The following KCNQ1 variants were observed in gnomAD, a reference collection of about 807,000 sequenced individuals.
KCNQ1 encodes potassium voltage-gated channel subfamily Q member 1.
A neutral mutation model predicts 72.4 loss-of-function variants in KCNQ1; 49 were observed. The observed-to-expected ratio is 0.68, with a 90% CI of 0.54 to 0.86. The LOEUF is 0.86. Among genes scored for constraint, KCNQ1 ranks in the 40% least tolerant of loss-of-function variants. KCNQ1 has a pLI of 0.00. For synonymous variants in KCNQ1, 450 were observed against 412.6 expected, an observed-to-expected ratio of 1.09 and a Z score of -1.10; for missense variants, 790 against 945.1, an observed-to-expected ratio of 0.84 and a Z score of 2.15.
intron 15 of KCNQ1, among the ~76,000 whole-genome samples, chr11:2,831,717 C>G (rs1847955291): frequency 6.7e-6 from 1 of 149,166 alleles, no homozygotes; most frequent in Non-Finnish European, 1.5e-5. Context: ...CTGCCCTCCC[C>G]TCCCCTCCCC....
At chr11:2,829,387 A>C (rs749746051) in intron 15 of KCNQ1, among the ~76,000 whole-genome samples, 3 of 152,240 alleles carry the variant, frequency 2.0e-5, no homozygotes, top group African/African-American at 4.8e-5. Context: ...TCTTACAGAA[A>C]GTTCAAGAAT....
intron 10 of KCNQ1, chr11:2,636,862 A>C (rs898514472): frequency 1.3e-5 from 2 of 152,032 alleles, no homozygotes; most frequent in African/African-American, 4.8e-5. Flanking sequence ...TAAATTTCAG[A>C]GCCTGTTATT....
chr11:2,788,888 GTC>G (rs1491482620), intron 15 of KCNQ1, among the ~76,000 whole-genome samples: 1 of 152,152 alleles, frequency 6.6e-6, no homozygotes. Flanking sequence ...GGGTGGGTGT[GTC>G]TGCCAGGGAG....
chr11:2,585,145 G>C, intron 7 of KCNQ1, 67 bp from the exon 8 acceptor site: 1 of 1,402,480 alleles, frequency 7.1e-7, no homozygotes, highest in Non-Finnish European at 1.0e-6. Flanking sequence ...CGGTAACCAC[G>C]TCCTGAGGCT....
intron 1 of KCNQ1, among the ~76,000 whole-genome samples, chr11:2,501,717 TCAAAAAAAAAAA>T (rs1454815254): frequency 1.1e-4 from 1 of 8,700 alleles, no homozygotes; most frequent in African/African-American, 4.2e-4. Flanking sequence ...CAAAGATACA[TCAAAAAAAAAAA>T]AAAAAAAAAA....
chr11:2,545,570 A>G (rs535091740), intron 2 of KCNQ1, among the ~76,000 whole-genome samples: 2 of 152,292 alleles, frequency 1.3e-5, no homozygotes, highest in South Asian at 4.2e-4. Context: ...GTGATTGATA[A>G]TAGTTATAGT....
intron 11 of KCNQ1, among the ~76,000 whole-genome samples, chr11:2,727,802 A>T (rs1458912191): frequency 6.6e-6 from 1 of 152,064 alleles, no homozygotes; most frequent in Non-Finnish European, 1.5e-5. Flanking sequence ...AACACCAAGC[A>T]CCTGGCCTGG....
chr11:2,734,901 T>C lies in KCNQ1; in HGVS notation c.1515-33943T>C, dbSNP rs1327094379. On this transcript the variant is annotated intron_variant, in intron 11 of 15. Transcript: ENST00000155840. The surrounding 1 kb of genome is among the most constrained non-coding windows in gnomAD (Gnocchi z 7.0). The stretch of plus-strand genomic sequence containing the variant: ...GCCCCGGCTGGGACCACCGCAGAGG[T>C]GATGTCTCCAGGAGGCTTCTGGGCC... Among the ~76,000 whole-genome samples the C allele has an allele frequency of 1.3e-5, 2 of 149,730 alleles. No homozygotes were observed. The highest frequency in any genetic ancestry group is 4.0e-4 in the East Asian group (2 of 5,000).
rs1397719325 is a variant in KCNQ1, at chr11:2,710,267, G to A, written c.1514+48186G>A. On this transcript the variant is annotated intron_variant, in intron 11 of 15. Transcript: ENST00000155840. The surrounding 1 kb of genome is among the most constrained non-coding windows in gnomAD (Gnocchi z 4.1). Reference sequence around the variant, plus strand: ...ATGTTGAGCATCTTATTAGCCATTTGTATCTCTTCTTTGAAGAAGTATGTA... The same window carrying A: ...ATGTTGAGCATCTTATTAGCCATTTATATCTCTTCTTTGAAGAAGTATGTA... Among the ~76,000 whole-genome samples, 5 of 152,152 alleles carry A rather than the reference G, an allele frequency of 3.3e-5. No individual in the cohort carries two copies. The highest frequency in any genetic ancestry group is 2.0e-4 in the Admixed American group (3 of 15,268).
chr11:2,469,906 C>T (rs939780373), intron 1 of KCNQ1, among the ~76,000 whole-genome samples: 6 of 150,492 alleles, frequency 4.0e-5, no homozygotes, highest in South Asian at 2.1e-4. Context: ...GTGATCCGCC[C>T]GCCTCAGCCT....
intron 11 of KCNQ1, among the ~76,000 whole-genome samples, chr11:2,726,487 A>C (rs1388597273): frequency 2.0e-5 from 3 of 152,102 alleles, no homozygotes; most frequent in Non-Finnish European, 4.4e-5. Flanking sequence ...CCCCAGGCGG[A>C]GACACCACCC....
At chr11:2,576,087 T>G (rs1268422053) in intron 6 of KCNQ1, among the ~76,000 whole-genome samples, 1 of 152,246 alleles carries the variant, frequency 6.6e-6, no homozygotes, top group African/African-American at 2.4e-5. Flanking sequence ...GGAGCTCATC[T>G]TGATTGAATC....
Position 2,583,559 on chromosome 11 carries a change from G to A in KCNQ1, c.1032+14G>A, listed in dbSNP as rs1463679342. On this transcript the variant is annotated intron_variant, in intron 7 of 15. Transcript: ENST00000155840. Reference sequence around the variant, plus strand: ...GCGCTCCCAGCGGTAGGTGCCCCGTGGGTGCGTTTTCCCTGGCTCCTTGGA... The same window carrying A: ...GCGCTCCCAGCGGTAGGTGCCCCGTAGGTGCGTTTTCCCTGGCTCCTTGGA... 6.3e-7 allele frequency: 1 copy of A among 1,587,100 alleles called. No homozygotes were observed. Among genetic ancestry groups the A allele is most frequent in the Non-Finnish European group, 8.7e-7 (1 of 1,155,514 alleles).
Position 2,709,228 on chromosome 11 carries a change from C to CA in KCNQ1, c.1514+47148dup, listed in dbSNP as rs1554910377. 4.7e-4 allele frequency among the ~76,000 whole-genome samples: 66 copies of CA among 139,190 alleles called. 1 individual carries two copies. Among genetic ancestry groups the CA allele is most frequent in the South Asian group, 1.4e-3 (5 of 3,458 alleles). 91.3% of individuals were successfully genotyped at this position (139,190 alleles called of 152,430 possible). ...TCCTGCACGGCTTCCAGGCCCCCCC[C>CA]ACCCCCACCCCCCAGCCCCAGCTGC... is the stretch of plus-strand genomic sequence containing the variant. On this transcript the variant is annotated intron_variant, in intron 11 of 15. Transcript: ENST00000155840.
chr11:2,661,984 G>C lies in KCNQ1; in HGVS notation c.1417G>C (p.Glu473Gln), dbSNP rs751430087. 1 of 1,614,196 alleles carries C rather than the reference G, an allele frequency of 6.2e-7. No homozygotes were observed. The highest frequency in any genetic ancestry group is 1.1e-5 in the South Asian group (1 of 91,080). ...SSVRKSPTLL[E>Q]VSMPHFMRTN... is the part of the protein sequence containing the mutation. ...AGTAAGGAAGAGCCCAACACTGCTG[G>C]AAGTGAGCATGCCCCATTTCATGAG... The change falls in exon 11 of 16, where the codon GAA becomes CAA. Residue 473 changes from glutamate (E) to glutamine (Q), a missense_variant. Transcript: ENST00000155840. The surrounding 1 kb of genome is among the most constrained non-coding windows in gnomAD (Gnocchi z 5.9).
rs547489643 is a variant in KCNQ1 at position 2,768,170 on chromosome 11, G to A, written c.1515-674G>A. 1.3e-5 allele frequency among the ~76,000 whole-genome samples: 2 copies of A among 152,318 alleles called. No individual in the cohort carries two copies. The highest frequency in any genetic ancestry group is 2.1e-4 in the South Asian group (1 of 4,822). Reference sequence around the variant, plus strand: ...AGGCAGGCGTTAGCTTCACTGCCAGGAGGGAATCTCCTGTGGCCTCCATGG... The same window carrying A: ...AGGCAGGCGTTAGCTTCACTGCCAGAAGGGAATCTCCTGTGGCCTCCATGG... On this transcript the variant is annotated intron_variant, in intron 11 of 15. Transcript: ENST00000155840. This position sits in a 1 kb window ranked among gnomAD's most constrained non-coding sequence, Gnocchi z 6.7.
chr11:2,678,424 A>G lies in KCNQ1; in HGVS notation c.1514+16343A>G. On this transcript the variant is annotated intron_variant, in intron 11 of 15. Coordinates refer to ENST00000155840, the MANE Select transcript of KCNQ1 (RefSeq NM_000218.3). This position sits in a 1 kb window ranked among gnomAD's most constrained non-coding sequence, Gnocchi z 4.9. The stretch of plus-strand genomic sequence containing the variant: ...CCAGTTGTCCAACACTATTTATTTG[A>G]GTACATCATCATCTCTCTACTAATT... 2.5e-6 allele frequency: 1 copy of G among 398,564 alleles called. No homozygotes were observed. Among genetic ancestry groups the G allele is most frequent in the Non-Finnish European group, 4.4e-6 (1 of 226,062 alleles). The allele number at this position is 398,564 out of a possible 1,614,324, so 24.7% of individuals were successfully genotyped here. A position where few individuals can be genotyped will look rare whatever the true frequency, so the allele number is the denominator to read the frequency against.
At chr11:2,770,581 G>C (rs923508029) in intron 12 of KCNQ1, among the ~76,000 whole-genome samples, 1 of 152,242 alleles carries the variant, frequency 6.6e-6, no homozygotes, top group South Asian at 2.1e-4. Flanking sequence ...CCCAGGGAAG[G>C]GGGTGGTTCA....
chr11:2,705,032 G>T (rs1226927894), intron 11 of KCNQ1, among the ~76,000 whole-genome samples: 1 of 152,066 alleles, frequency 6.6e-6, no homozygotes, highest in Non-Finnish European at 1.5e-5. Context: ...CCAGGGAGAG[G>T]CACACGGCTC....
Sources: allele counts gnomAD v4.1 joint callset (sites outside exome capture counted in the v4.1 genomes callset), GRCh38; gene constraint gnomAD v4.1.1; non-coding constraint Gnocchi (gnomAD v3.1); transcripts MANE v1.5; gene names NCBI Gene and HGNC (gene_info 2026-07-23, HGNC 2026-07-21).